The following ADAMTS4 variants were observed in gnomAD, a reference collection of about 807,000 sequenced individuals.
ADAMTS4 encodes the protein A disintegrin and metalloproteinase with thrombospondin motifs 4.
In ADAMTS4, 38 loss-of-function variants were observed where a neutral mutation model predicts 66.7. The ratio of observed to expected loss-of-function variants is 0.57; its 90% CI spans 0.44 to 0.75. The LOEUF is 0.75. Among genes scored for constraint, ADAMTS4 ranks in the 30% least tolerant of loss-of-function variants. The probability of loss-of-function intolerance (pLI) is 0.00; values close to 1 mark genes in which losing one functional copy is unlikely to be tolerated. For missense variants in ADAMTS4, 1,014 were observed against 1,116.7 expected (o/e 0.91, Z 1.31); for synonymous variants, 418 against 461.5 (o/e 0.91, Z 1.21).
chr1:161,197,381 A>T, intron 1 of ADAMTS4: 1 of 159,332 alleles, frequency 6.3e-6, no homozygotes. Context: ...AGGAGGGAGG[A>T]GGGAAGGGAA....
At position 161,198,762 on chromosome 1, in the gene ADAMTS4, G is replaced by A. The variant is rs1664983558; in HGVS notation, c.-135C>T. The A allele has an allele frequency of 1.2e-6, 1 of 801,938 alleles. No individual in the cohort carries two copies. The highest frequency in any genetic ancestry group is 2.0e-5 in the South Asian group (1 of 50,294). 49.7% of individuals were successfully genotyped at this position (801,938 alleles called of 1,614,324 possible). ...AAGGTCAGAGGCAAAGTTTTCAGAA[G>A]GGCTGAGGACCGTTAAAGGAAATGG... On this transcript the variant is annotated 5_prime_UTR_variant, in exon 1 of 9. Transcript: ENST00000367996. This position sits in a 1 kb window ranked among gnomAD's most constrained non-coding sequence, Gnocchi z 4.7.
chr1:161,188,889 T>C lies in ADAMTS4; in HGVS notation c.*2249A>G, dbSNP rs866498613. Reference sequence around the variant, plus strand: ...CCTGTCACCATGCCCGGCTAATATATATATATATATATATATATATTTTGT... The same window carrying C: ...CCTGTCACCATGCCCGGCTAATATACATATATATATATATATATATTTTGT... On this transcript the variant is annotated 3_prime_UTR_variant, in exon 9 of 9. Coordinates refer to ENST00000367996, the MANE Select transcript of ADAMTS4 (RefSeq NM_005099.6). 16 of 123,634 alleles carry C rather than the reference T, an allele frequency of 1.3e-4. No individual in the cohort carries two copies. Among genetic ancestry groups the C allele is most frequent in the African/African-American group, 4.8e-4 (16 of 33,434 alleles). The allele number at this position is 123,634 out of a possible 1,614,324, so 7.7% of individuals were successfully genotyped here.
At chr1:161,195,710 C>A in intron 3 of ADAMTS4, 75 bp from the exon 4 acceptor site, 1 of 1,447,558 alleles carries the variant, frequency 6.9e-7, no homozygotes, top group South Asian at 1.3e-5. Context: ...ATAAATCTGG[C>A]TGCAGCTGTG....
In ADAMTS4 at chr1:161,195,653, C is replaced by G; in HGVS notation, c.1091-18G>C. 2 of 1,599,002 alleles carry G rather than the reference C, an allele frequency of 1.3e-6. No individual in the cohort carries two copies. The highest frequency in any genetic ancestry group is 1.1e-5 in the South Asian group (1 of 88,500). On this transcript the variant is annotated intron_variant, in intron 3 of 8. Coordinates refer to ENST00000367996, the MANE Select transcript of ADAMTS4 (RefSeq NM_005099.6). ...GACATGACCTGTGGGAGCAAAGGCC[C>G]TGATAGGATCTGAGGGTCCCTTCCC...
chr1:161,197,907 G>GT (rs1664920483), intron 1 of ADAMTS4, 88 bp downstream of exon 1: 1 of 1,500,382 alleles, frequency 6.7e-7, no homozygotes, highest in African/African-American at 1.4e-5. Context: ...GGCCAGAAGT[G>GT]TAAGTGGGTG....
chr1:161,198,538 C>G lies in ADAMTS4; in HGVS notation c.90G>C (p.Pro30=). 6.4e-7 allele frequency: 1 copy of G among 1,566,240 alleles called. No homozygotes were observed. The highest frequency in any genetic ancestry group is 2.4e-5 in the East Asian group (1 of 42,176). ...AQPCLLLPIV[P]LSWLVWLLLL... ...GAAGCAGCCACACCAGCCAGGAGAGCGGCACAATGGGGAGCAGGAGGCAGG... is the reference window on the plus strand; with the variant it reads ...GAAGCAGCCACACCAGCCAGGAGAGGGGCACAATGGGGAGCAGGAGGCAGG... The change falls in exon 1 of 9, where the codon CCG becomes CCC. Residue 30 remains proline (P), a synonymous_variant. Transcript: ENST00000367996. The surrounding 1 kb of genome is among the most constrained non-coding windows in gnomAD (Gnocchi z 4.7).
At position 161,198,817 on chromosome 1, in the gene ADAMTS4, G is replaced by A. The variant is rs1235830695; in HGVS notation, c.-190C>T. On this transcript the variant is annotated 5_prime_UTR_variant, in exon 1 of 9. Transcript: ENST00000367996. This position sits in a 1 kb window ranked among gnomAD's most constrained non-coding sequence, Gnocchi z 4.7. ...AACTTAGTCCTTGGGCTTGGGAGAG[G>A]TGCCCAGGGGTCTGGCTTCTCCAAA... is the stretch of plus-strand genomic sequence containing the variant. The A allele has an allele frequency of 9.2e-6, 5 of 542,632 alleles. No individual in the cohort carries two copies. Among genetic ancestry groups the A allele is most frequent in the Non-Finnish European group, 1.6e-5 (5 of 316,496 alleles). The allele number at this position is 542,632 out of a possible 1,614,324, so 33.6% of individuals were successfully genotyped here. A position where few individuals can be genotyped will look rare whatever the true frequency, so the allele number is the denominator to read the frequency against.
rs1664718198 is a variant in ADAMTS4, at chr1:161,193,076, C to T, written c.1911+137G>A. 1.0e-6 allele frequency: 1 copy of T among 979,656 alleles called. No homozygotes were observed. Among genetic ancestry groups the T allele is most frequent in the Non-Finnish European group, 1.5e-6 (1 of 682,014 alleles). 60.7% of individuals were successfully genotyped at this position (979,656 alleles called of 1,614,324 possible). Reference sequence around the variant, plus strand: ...TCCTGATACCCATGTACAGATAAGTCTGAGTGGAATCCTGGACTGGGCTGG... The same window carrying T: ...TCCTGATACCCATGTACAGATAAGTTTGAGTGGAATCCTGGACTGGGCTGG... On this transcript the variant is annotated intron_variant, in intron 7 of 8. Transcript: ENST00000367996. The surrounding 1 kb of genome is among the most constrained non-coding windows in gnomAD (Gnocchi z 4.4).
Position 161,193,047 on chromosome 1 carries a change from G to A in ADAMTS4, c.1911+166C>T, listed in dbSNP as rs1664717845. Among the ~76,000 whole-genome samples, 1 of 152,214 alleles carries A rather than the reference G, an allele frequency of 6.6e-6. No homozygotes were observed. The highest frequency in any genetic ancestry group is 1.5e-5 in the Non-Finnish European group (1 of 68,032). On this transcript the variant is annotated intron_variant, in intron 7 of 8. Transcript: ENST00000367996. The surrounding 1 kb of genome is among the most constrained non-coding windows in gnomAD (Gnocchi z 4.4). ...GCCACATATCTGGAGTCTGGGGCTC[G>A]TTTTCCTGATACCCATGTACAGATA...
chr1:161,191,638 C>T (rs1294358750), intron 8 of ADAMTS4, 74 bp from the exon 9 acceptor site: 1 of 1,447,986 alleles, frequency 6.9e-7, no homozygotes. Context: ...GCTTATGTGA[C>T]TGTATGTGTG....
Position 161,193,957 on chromosome 1 carries a change from A to C in ADAMTS4, c.1526T>G (p.Met509Arg). The change falls in exon 5 of 9, where the codon ATG (methionine) becomes AGG (arginine). Residue 509 changes from methionine to arginine, a missense_variant. Coordinates refer to ENST00000367996, the MANE Select transcript of ADAMTS4 (RefSeq NM_005099.6). The surrounding 1 kb of genome is among the most constrained non-coding windows in gnomAD (Gnocchi z 4.4). ...CACATTGAAGTCCTGGAGCTGGTCC[A>C]TGTGGAGGCAGCGACCACCCATGCA... is the stretch of plus-strand genomic sequence containing the variant. ...QACMGGRCLH[M>R]DQLQDFNIPQ... 2 of 1,590,908 alleles carry C rather than the reference A, an allele frequency of 1.3e-6. No individual in the cohort carries two copies. Among genetic ancestry groups the C allele is most frequent in the Non-Finnish European group, 1.7e-6 (2 of 1,165,224 alleles).
chr1:161,191,414 G>C lies in ADAMTS4; in HGVS notation c.2238C>G (p.Pro746=). Reference sequence around the variant, plus strand: ...CAGGCAGTACCACATCTGTGGGGGAGGGCATCAGCGTGTATTCACCATTGA... The same window carrying C: ...CAGGCAGTACCACATCTGTGGGGGACGGCATCAGCGTGTATTCACCATTGA... ...YALNGEYTLM[P]SPTDVVLPGA... is the part of the protein sequence containing the mutation. Residue 746 remains proline, a synonymous_variant, in exon 9 of 9, where the codon CCC becomes CCG. Transcript: ENST00000367996. 2 of 1,614,146 alleles carry C rather than the reference G, an allele frequency of 1.2e-6. No homozygotes were observed. Among genetic ancestry groups the C allele is most frequent in the Non-Finnish European group, 1.7e-6 (2 of 1,180,040 alleles).
chr1:161,193,682 G>T lies in ADAMTS4; in HGVS notation c.1693C>A (p.Arg565Ser), dbSNP rs767544003. The T allele has an allele frequency of 6.2e-6, 10 of 1,613,798 alleles. No homozygotes were observed. Among genetic ancestry groups the T allele is most frequent in the Middle Eastern group, 1.6e-4 (1 of 6,080 alleles). The change falls in exon 6 of 9, where the codon CGC (arginine) becomes AGC (serine). Residue 565 changes from arginine to serine, a missense_variant. Coordinates refer to ENST00000367996, the MANE Select transcript of ADAMTS4 (RefSeq NM_005099.6). This position sits in a 1 kb window ranked among gnomAD's most constrained non-coding sequence, Gnocchi z 4.4. Reference protein sequence around the residue: ...GGKYCEGRRTRFRSCNTEDCP... With the variant: ...GGKYCEGRRTSFRSCNTEDCP... ...TCCTCAGTGTTGCAGGAGCGGAAGCGGGTACGGCGGCCCTCACAGTACTTG... is the reference window on the plus strand; with the variant it reads ...TCCTCAGTGTTGCAGGAGCGGAAGCTGGTACGGCGGCCCTCACAGTACTTG...
At position 161,198,101 on chromosome 1, in the gene ADAMTS4, G is replaced by C. The variant is rs1476816956; in HGVS notation, c.527C>G (p.Pro176Arg). The C allele has an allele frequency of 4.3e-6, 7 of 1,613,468 alleles. No individual in the cohort carries two copies. In the Admixed American group the frequency reaches 1.0e-4, roughly 23 times the overall value. The part of the protein sequence containing the change: ...EGGTPNSAGG[P>R]GAHILRRKSP... ...CTTCCGGCGTAGGATGTGAGCCCCA[G>C]GTCCCCCAGCAGAGTTAGGGGTGCC... Residue 176 changes from proline (P) to arginine (R), a missense_variant, in exon 1 of 9, where the codon CCT (proline) becomes CGT (arginine). By Grantham distance (103) the Pro-to-Arg change is moderately radical (BLOSUM62 -2). Coordinates refer to ENST00000367996, the MANE Select transcript of ADAMTS4 (RefSeq NM_005099.6). The surrounding 1 kb of genome is among the most constrained non-coding windows in gnomAD (Gnocchi z 4.7).
At position 161,184,855 on chromosome 1, in the gene ADAMTS4, A is replaced by T. The variant is rs181475329; in HGVS notation, c.*6283T>A. 20 of 152,034 alleles carry T rather than the reference A, an allele frequency of 1.3e-4. No individual in the cohort carries two copies. The highest frequency in any genetic ancestry group is 4.8e-4 in the African/African-American group (20 of 41,454). 9.4% of individuals were successfully genotyped at this position (152,034 alleles called of 1,614,324 possible). ...GCAACATGGAAAACCCCGTCTCTAT[A>T]CTAAAAATACAAAAAATTAGCTGGG... On this transcript the variant is annotated 3_prime_UTR_variant, in exon 9 of 9. Transcript: ENST00000367996.
rs748516709 is a variant in ADAMTS4 at position 161,198,107 on chromosome 1, C to T, written c.521G>A (p.Gly174Glu). ...PLEGGTPNSA[G>E]GPGAHILRRK... ...GCGTAGGATGTGAGCCCCAGGTCCC[C>T]CAGCAGAGTTAGGGGTGCCTCCCTC... The change falls in exon 1 of 9, where the codon GGG (glycine) becomes GAG (glutamate). Residue 174 changes from glycine to glutamate, a missense_variant. Transcript: ENST00000367996. This position sits in a 1 kb window ranked among gnomAD's most constrained non-coding sequence, Gnocchi z 4.7. 3.7e-6 allele frequency: 6 copies of T among 1,613,806 alleles called. No individual in the cohort carries two copies. In the South Asian group the frequency reaches 6.6e-5, roughly 18 times the overall value.
chr1:161,193,472 C>A lies in ADAMTS4; in HGVS notation c.1736-84G>T, dbSNP rs1173475763. The A allele has an allele frequency of 6.5e-7, 1 of 1,546,722 alleles. No homozygotes were observed. The highest frequency in any genetic ancestry group is 8.8e-7 in the Non-Finnish European group (1 of 1,141,606). ...CCACCCAACCCCTGAGAACTCTAGA[C>A]AGCACAGCTCTGCTCTTCCCTGCAG... On this transcript the variant is annotated intron_variant, in intron 6 of 8. Transcript: ENST00000367996. This position sits in a 1 kb window ranked among gnomAD's most constrained non-coding sequence, Gnocchi z 4.4.
At position 161,188,284 on chromosome 1, in the gene ADAMTS4, G is replaced by A. The variant is rs1327864233; in HGVS notation, c.*2854C>T. On this transcript the variant is annotated 3_prime_UTR_variant, in exon 9 of 9. Transcript: ENST00000367996. ...GTTGGTGTTTTGGTCTCTCACCCAG[G>A]CTGGAGTATAGTGGCATGATTGTAG... is the stretch of plus-strand genomic sequence containing the variant. The A allele has an allele frequency of 7.2e-6, 1 of 139,574 alleles. No homozygotes were observed. The allele number at this position is 139,574 out of a possible 1,614,324, so 8.6% of individuals were successfully genotyped here.
At chr1:161,197,146 G>A (rs914069234) in intron 1 of ADAMTS4, 1 of 431,796 alleles carries the variant, frequency 2.3e-6, no homozygotes, top group Non-Finnish European at 4.2e-6. Flanking sequence ...AGGGCTGCGG[G>A]AGCCCCAGAG....
Sources: gnomAD v4.1 joint callset for allele counts (sites outside exome capture counted in the v4.1 genomes callset) on GRCh38, gnomAD v4.1.1 for gene constraint, Gnocchi (gnomAD v3.1) non-coding constraint, MANE v1.5 for transcripts, NCBI Gene and HGNC (gene_info 2026-07-23, HGNC 2026-07-21) for gene names.